Variants in GLP1R observed in about 807,000 individuals in gnomAD.
GLP1R encodes the protein glucagon like peptide 1 receptor.
Under a neutral mutation model 68.4 loss-of-function variants are expected in GLP1R, and 32 were observed. The observed-to-expected ratio is 0.47, with a 90% CI of 0.35 to 0.63. GLP1R has a LOEUF of 0.63. Among genes scored for constraint, GLP1R ranks in the 20% least tolerant of loss-of-function variants. GLP1R has a pLI of 0.00. For missense variants in GLP1R, 502 were observed against 594.9 expected (o/e 0.84, Z 1.62); for synonymous variants, 263 against 244.4 (o/e 1.08, Z -0.71).
intron 8 of GLP1R, 77 bp from the exon 9 acceptor site, chr6:39,078,880 G>A (rs138150921): frequency 2.3e-5 from 29 of 1,237,138 alleles, no homozygotes; most frequent in Middle Eastern, 2.3e-4. Flanking sequence ...GTGCATTGGC[G>A]GCCTCTGTGC....
chr6:39,073,156 G>A (rs1768721334), intron 6 of GLP1R, 141 bp downstream of exon 6: 1 of 738,488 alleles, frequency 1.4e-6, no homozygotes, highest in Non-Finnish European at 2.2e-6. Context: ...TCTGATGGGA[G>A]AGGCAGTTCG....
intron 5 of GLP1R, among the ~76,000 whole-genome samples, chr6:39,072,114 G>T (rs1014144338): frequency 1.3e-5 from 2 of 152,158 alleles, no homozygotes; most frequent in East Asian, 1.9e-4. Flanking sequence ...TGTCTTATTA[G>T]TTCTAATAAT....
chr6:39,052,267 AAAAGAAAG>A lies in GLP1R; in HGVS notation c.78+3361_78+3368del, dbSNP rs527848359. Among the ~76,000 whole-genome samples, 38 of 152,222 alleles carry A rather than the reference AAAAGAAAG, an allele frequency of 2.5e-4. No homozygotes were observed. In the East Asian group the frequency reaches 2.7e-3, roughly 11 times the overall value. ...ATTGTAAGCTCTGAGCTTTTGAAAA[AAAAGAAAG>A]AAAGAAAGAAAAACAAGGGGCGGTC... On this transcript the variant is annotated intron_variant, in intron 1 of 12. Coordinates refer to ENST00000373256, the MANE Select transcript of GLP1R (RefSeq NM_002062.5).
rs199736712 is a variant in GLP1R, at chr6:39,089,283, A to AT, written c.*3219dup. 6.6e-6 allele frequency among the ~76,000 whole-genome samples: 1 copy of AT among 151,882 alleles called. No individual in the cohort carries two copies. Among genetic ancestry groups the AT allele is most frequent in the African/African-American group, 2.4e-5 (1 of 41,398 alleles). ...AGCACTCTTTTAATGGATTGGCTTA[A>AT]TTTTTTTTTCTGATGCCTCTCTATG... On this transcript the variant is annotated 3_prime_UTR_variant, in exon 13 of 13. Transcript: ENST00000373256. The surrounding 1 kb of genome is among the most constrained non-coding windows in gnomAD (Gnocchi z 4.1).
chr6:39,079,100 C>T lies in GLP1R; in HGVS notation c.955-12C>T. On this transcript the variant is annotated splice_polypyrimidine_tract_variant and intron_variant, in intron 9 of 12. Transcript: ENST00000373256. This position sits in a 1 kb window ranked among gnomAD's most constrained non-coding sequence, Gnocchi z 4.5. ...CTGGTGCCCCCTGCCAATCCCCGGC[C>T]CCACCCCGCAGGTGAACTTCCTCAT... 6.2e-7 allele frequency: 1 copy of T among 1,613,238 alleles called. No individual in the cohort carries two copies. The highest frequency in any genetic ancestry group is 1.1e-5 in the South Asian group (1 of 91,076).
chr6:39,051,042 T>G (rs1768075401), intron 1 of GLP1R, among the ~76,000 whole-genome samples: 1 of 152,122 alleles, frequency 6.6e-6, no homozygotes, highest in African/African-American at 2.4e-5. Context: ...ACTCTTTCAT[T>G]GCTGCTGGGA....
At chr6:39,063,502 G>A (rs956412708) in intron 3 of GLP1R, among the ~76,000 whole-genome samples, 1 of 152,170 alleles carries the variant, frequency 6.6e-6, no homozygotes, top group Admixed American at 6.5e-5. Context: ...TAGATTTTCA[G>A]GTTTTTGTTT....
chr6:39,077,545 A>C (rs10305488), intron 7 of GLP1R, among the ~76,000 whole-genome samples: 3,467 of 152,316 alleles, frequency 0.023, 156 homozygotes, highest in African/African-American at 0.08. Flanking sequence ...AACAAGCCAC[A>C]GTGTCTTTTA....
At chr6:39,069,475 T>C (rs755404095) in intron 5 of GLP1R, among the ~76,000 whole-genome samples, 10 of 151,928 alleles carry the variant, frequency 6.6e-5, no homozygotes, top group Non-Finnish European at 1.5e-4. Flanking sequence ...CTACTAAAAA[T>C]ACAAAAAATT....
At chr6:39,057,395 G>T in intron 2 of GLP1R, 77 bp from the exon 3 acceptor site, 1 of 885,556 alleles carries the variant, frequency 1.1e-6, no homozygotes, top group Non-Finnish European at 1.9e-6. Context: ...GAGGAGGGGA[G>T]GGGTCTTGGG....
intron 5 of GLP1R, among the ~76,000 whole-genome samples, chr6:39,069,103 A>T (rs1489004064): frequency 6.6e-6 from 1 of 152,198 alleles, no homozygotes; most frequent in Non-Finnish European, 1.5e-5. Flanking sequence ...CTTTGCTTAG[A>T]GATTTCTTCC....
chr6:39,074,062 C>T (rs534084406), intron 7 of GLP1R, among the ~76,000 whole-genome samples: 1 of 152,186 alleles, frequency 6.6e-6, no homozygotes, highest in Non-Finnish European at 1.5e-5. Context: ...GCACTGTTCT[C>T]TTAAGACCAC....
At chr6:39,080,788 A>T (rs1294533117) in intron 12 of GLP1R, 49 bp downstream of exon 12, 1 of 1,261,150 alleles carries the variant, frequency 7.9e-7, no homozygotes, top group Admixed American at 1.9e-5. Flanking sequence ...GGGTACCATC[A>T]GCCCGTCTGG....
Position 39,088,559 on chromosome 6 carries a change from T to C in GLP1R, c.*2486T>C, listed in dbSNP as rs1268184374. On this transcript the variant is annotated 3_prime_UTR_variant, in exon 13 of 13. Transcript: ENST00000373256. ...TGAGCTTTGTAGCCACAAGGTCTGA[T>C]GTCTGTTGTGAACAGCAGCTGACTT... Among the ~76,000 whole-genome samples the C allele has an allele frequency of 2.0e-5, 3 of 152,232 alleles. No homozygotes were observed. The highest frequency in any genetic ancestry group is 4.4e-5 in the Non-Finnish European group (3 of 68,042).
At position 39,083,895 on chromosome 6, in the gene GLP1R, G is replaced by A. The variant is rs923925056; in HGVS notation, c.1225-2011G>A. Reference sequence around the variant, plus strand: ...CATTTTCATAGCTGAGGAACAGAAGGAACCTGATGTGAGATGCTCATGCAT... The same window carrying A: ...CATTTTCATAGCTGAGGAACAGAAGAAACCTGATGTGAGATGCTCATGCAT... On this transcript the variant is annotated intron_variant, in intron 12 of 12. Transcript: ENST00000373256. Among the ~76,000 whole-genome samples, 7 of 152,182 alleles carry A rather than the reference G, an allele frequency of 4.6e-5. No individual in the cohort carries two copies. In the East Asian group the frequency reaches 1.3e-3, roughly 29 times the overall value.
At chr6:39,080,610 A>T (rs1768979850) in intron 11 of GLP1R, 88 bp from the exon 12 acceptor site, 1 of 792,556 alleles carries the variant, frequency 1.3e-6, no homozygotes. Context: ...GTTGTTGAGG[A>T]TGGAGTCCCA....
Position 39,049,871 on chromosome 6 carries a change from C to T in GLP1R, c.78+953C>T, listed in dbSNP as rs1181857380. Among the ~76,000 whole-genome samples the T allele has an allele frequency of 6.6e-6, 1 of 152,158 alleles. No homozygotes were observed. The highest frequency in any genetic ancestry group is 1.9e-4 in the East Asian group (1 of 5,190). On this transcript the variant is annotated intron_variant, in intron 1 of 12. Transcript: ENST00000373256. The surrounding 1 kb of genome is among the most constrained non-coding windows in gnomAD (Gnocchi z 4.5). The stretch of plus-strand genomic sequence containing the variant: ...TGCTTGAGCAGAGAGGAGACATAGA[C>T]TTGGGTGGCCTGTCCTGGGTCAGGA...
rs575965190 is a variant in GLP1R at position 39,080,631 on chromosome 6, G to A, written c.1183-67G>A. 33 of 1,132,226 alleles carry A rather than the reference G, an allele frequency of 2.9e-5. 1 individual carries two copies. In the Admixed American group the frequency reaches 3.5e-4, roughly 12 times the overall value. 70.1% of individuals were successfully genotyped at this position (1,132,226 alleles called of 1,614,324 possible). A position where few individuals can be genotyped will look rare whatever the true frequency, so the allele number is the denominator to read the frequency against. ...GAGGATGGAGTCCCAAAGTGCTTCCGACCAGGGCCAGTCTGCAGGGCACCT... is the reference window on the plus strand; with the variant it reads ...GAGGATGGAGTCCCAAAGTGCTTCCAACCAGGGCCAGTCTGCAGGGCACCT... On this transcript the variant is annotated intron_variant, in intron 11 of 12. Transcript: ENST00000373256.
chr6:39,081,972 G>A (rs954829507), intron 12 of GLP1R, among the ~76,000 whole-genome samples: 4 of 152,212 alleles, frequency 2.6e-5, no homozygotes, highest in African/African-American at 7.2e-5. Flanking sequence ...CCTCACAGGT[G>A]CTGCTTGGCA....
Sources: allele counts gnomAD v4.1 joint callset (sites outside exome capture counted in the v4.1 genomes callset), GRCh38; gene constraint gnomAD v4.1.1; non-coding constraint Gnocchi (gnomAD v3.1); transcripts MANE v1.5; gene names NCBI Gene and HGNC (gene_info 2026-07-23, HGNC 2026-07-21).